ARHGEF26: variants seen among roughly 807,000 people sequenced by gnomAD.
ARHGEF26 encodes Rho guanine nucleotide exchange factor 26, also known as Rho guanine nucleotide exchange factor (GEF) 26.
In ARHGEF26, 59 loss-of-function variants were observed where a neutral mutation model predicts 89.4. The observed-to-expected ratio is 0.66, with a 90% CI of 0.54 to 0.82. ARHGEF26 has a LOEUF of 0.82. Among genes scored for constraint, ARHGEF26 ranks in the 40% least tolerant of loss-of-function variants. ARHGEF26 has a pLI of 0.00. For synonymous variants in ARHGEF26, 500 were observed against 428.4 expected (o/e 1.17, Z -2.06); for missense variants, 1,234 against 1,085.6 (o/e 1.14, Z -1.92).
chr3:154,167,177 A>G (rs1303611782), intron 6 of ARHGEF26, among the ~76,000 whole-genome samples: 1 of 152,224 alleles, frequency 6.6e-6, no homozygotes, highest in Admixed American at 6.5e-5. Flanking sequence ...TGGGATTCTT[A>G]TTGAGCATTA....
In ARHGEF26 at chr3:154,145,215, A is replaced by C. The variant is rs556364793; in HGVS notation, c.1270-4174A>C. Among the ~76,000 whole-genome samples the C allele has an allele frequency of 7.2e-5, 11 of 152,274 alleles. No homozygotes were observed. In the South Asian group the frequency reaches 2.3e-3, roughly 32 times the overall value. Reference sequence around the variant, plus strand: ...TTTTAAGGATTTCAAGCATACTCTCAAACTGCTGCTGTTCCCATGTTATTT... The same window carrying C: ...TTTTAAGGATTTCAAGCATACTCTCCAACTGCTGCTGTTCCCATGTTATTT... On this transcript the variant is annotated intron_variant, in intron 4 of 14. Coordinates refer to ENST00000465093, the MANE Select transcript of ARHGEF26 (RefSeq NM_015595.4).
chr3:154,122,786 A>G lies in ARHGEF26; in HGVS notation c.794A>G (p.Asn265Ser), dbSNP rs1455526231. The G allele has an allele frequency of 1.1e-5, 18 of 1,611,008 alleles. No homozygotes were observed. Among genetic ancestry groups the G allele is most frequent in the Non-Finnish European group, 1.5e-5 (18 of 1,178,562 alleles). Residue 265 changes from asparagine (N) to serine (S), a missense_variant, in exon 2 of 15, where the codon AAC becomes AGC. Coordinates refer to ENST00000465093, the MANE Select transcript of ARHGEF26 (RefSeq NM_015595.4). Reference protein sequence around the residue: ...LASEIKISKSNNQNVEPHKRL... With the variant: ...LASEIKISKSSNQNVEPHKRL... ...TCGGAAATTAAAATAAGTAAATCCA[A>G]CAATCAAAATGTGGAGCCCCACAAG... is the stretch of plus-strand genomic sequence containing the variant.
intron 6 of ARHGEF26, among the ~76,000 whole-genome samples, chr3:154,179,754 C>G (rs1713067704): frequency 6.6e-6 from 1 of 152,094 alleles, no homozygotes; most frequent in African/African-American, 2.4e-5. Flanking sequence ...GACCCGTATG[C>G]AGATACTGGA....
chr3:154,181,111 C>T (rs554336262), intron 6 of ARHGEF26, among the ~76,000 whole-genome samples: 1 of 152,296 alleles, frequency 6.6e-6, no homozygotes, highest in South Asian at 2.1e-4. Flanking sequence ...CTTCAACCTT[C>T]AGTGTCAATG....
At chr3:154,121,014 C>T (rs1483357529), upstream of ARHGEF26, 1 of 152,236 alleles carries the variant, frequency 6.6e-6, no homozygotes, top group African/African-American at 2.4e-5. Flanking sequence ...GAACTCTGCG[C>T]TACTGCCCAC....
At chr3:154,186,404 T>C (rs1713552212) in intron 6 of ARHGEF26, among the ~76,000 whole-genome samples, 1 of 152,174 alleles carries the variant, frequency 6.6e-6, no homozygotes, top group African/African-American at 2.4e-5. Context: ...ATTATAGATA[T>C]ATACACTTGT....
At chr3:154,217,848 G>A (rs185133091) in intron 9 of ARHGEF26, 21 bp from the exon 10 acceptor site, 272 of 1,571,900 alleles carry the variant, frequency 1.7e-4, no homozygotes, top group Middle Eastern at 3.3e-4. Flanking sequence ...TTTAACCCTC[G>A]TTACTCTTCT....
chr3:154,196,414 TA>T (rs1714295981), intron 9 of ARHGEF26, among the ~76,000 whole-genome samples: 1 of 152,206 alleles, frequency 6.6e-6, no homozygotes, highest in South Asian at 2.1e-4. Flanking sequence ...AGAAGCTTCC[TA>T]AATGTCTCCA....
At chr3:154,192,549 C>G (rs1252356349) in intron 8 of ARHGEF26, among the ~76,000 whole-genome samples, 2 of 152,180 alleles carry the variant, frequency 1.3e-5, no homozygotes, top group Non-Finnish European at 2.9e-5. Flanking sequence ...TCAGGAACTT[C>G]CCCCCTGTGT....
chr3:154,247,016 G>A (rs1717838009), intron 12 of ARHGEF26, among the ~76,000 whole-genome samples: 1 of 152,142 alleles, frequency 6.6e-6, no homozygotes, highest in South Asian at 2.1e-4. Context: ...CTCTCCATCA[G>A]ATTAACAGGC....
At chr3:154,168,690 T>C (rs1228435012) in intron 6 of ARHGEF26, among the ~76,000 whole-genome samples, 4 of 152,200 alleles carry the variant, frequency 2.6e-5, no homozygotes, top group Non-Finnish European at 5.9e-5. Flanking sequence ...TCACCTTCTG[T>C]TGATGTATTA....
At chr3:154,150,952 C>T (rs1559863391) in intron 5 of ARHGEF26, among the ~76,000 whole-genome samples, 1 of 152,094 alleles carries the variant, frequency 6.6e-6, no homozygotes, top group Non-Finnish European at 1.5e-5. Context: ...TTATAATAAA[C>T]TGCCAATTAT....
At chr3:154,223,800 A>T (rs998362564) in intron 10 of ARHGEF26, among the ~76,000 whole-genome samples, 2 of 152,206 alleles carry the variant, frequency 1.3e-5, no homozygotes, top group African/African-American at 4.8e-5. Flanking sequence ...AACATACTAG[A>T]AACCACTGTA....
chr3:154,155,184 T>C (rs1485808824), intron 6 of ARHGEF26, among the ~76,000 whole-genome samples: 1 of 152,024 alleles, frequency 6.6e-6, no homozygotes, highest in East Asian at 1.9e-4. Flanking sequence ...TATAAGCTTT[T>C]CCATATGAAT....
rs747855116 is a variant in ARHGEF26 at position 154,122,311 on chromosome 3, C to T, written c.319C>T (p.Arg107Ter). Residue 107 changes from arginine (R) to a stop codon, truncating the protein, a stop_gained, in exon 2 of 15, where the codon CGA becomes TGA. Coordinates refer to ENST00000465093, the MANE Select transcript of ARHGEF26 (RefSeq NM_015595.4). LOFTEE classifies it high-confidence loss of function. ...CCCGGAGTACAGGGCTGCCTCTCCT[C>T]GACTTCGACGGCCCAAGTCACCCAA... ...ASPEYRAASP[R>*]LRRPKSPKLP... The T allele has an allele frequency of 6.2e-7, 1 of 1,612,674 alleles. No homozygotes were observed. Among genetic ancestry groups the T allele is most frequent in the African/African-American group, 1.3e-5 (1 of 74,946 alleles).
At chr3:154,248,650 C>T (rs1278230548) in intron 12 of ARHGEF26, among the ~76,000 whole-genome samples, 1 of 152,048 alleles carries the variant, frequency 6.6e-6, no homozygotes, top group African/African-American at 2.4e-5. Flanking sequence ...ACATCATTGA[C>T]CCGCTTCAGG....
intron 4 of ARHGEF26, among the ~76,000 whole-genome samples, chr3:154,130,568 G>A (rs1279188257): frequency 5.3e-5 from 8 of 152,134 alleles, no homozygotes; most frequent in Non-Finnish European, 1.0e-4. Flanking sequence ...TTGTGTTGAT[G>A]AGTAATTTCT....
At chr3:154,243,947 G>A (rs1435213797) in intron 12 of ARHGEF26, among the ~76,000 whole-genome samples, 1 of 152,214 alleles carries the variant, frequency 6.6e-6, no homozygotes, top group African/African-American at 2.4e-5. Context: ...CGAGTTTTGA[G>A]CAATTAGAGT....
chr3:154,207,392 C>A (rs1331614826), intron 9 of ARHGEF26, among the ~76,000 whole-genome samples: 2 of 151,684 alleles, frequency 1.3e-5, no homozygotes, highest in Non-Finnish European at 2.9e-5. Context: ...CTATAAGAAA[C>A]TTAAATTTAC....
Sources: allele counts gnomAD v4.1 joint callset (sites outside exome capture counted in the v4.1 genomes callset), GRCh38; gene constraint gnomAD v4.1.1; transcripts MANE v1.5; gene names NCBI Gene and HGNC (gene_info 2026-07-23, HGNC 2026-07-21).